Variants in PAQR3 observed in about 807,000 individuals in gnomAD.
PAQR3 encodes progestin and adipoQ receptor family member 3.
PAQR3 carries 39 observed loss-of-function variants against 41.7 expected under a neutral mutation model. The ratio of observed to expected loss-of-function variants is 0.93; its 90% CI spans 0.72 to 1.22. The LOEUF is 1.22. PAQR3 is among the 50% of genes most tolerant of loss of function. PAQR3 has a pLI of 0.00. For missense variants in PAQR3, 366 were observed against 385.6 expected, an observed-to-expected ratio of 0.95 and a Z score of 0.42; for synonymous variants, 140 against 140.6, an observed-to-expected ratio of 1.00 and a Z score of 0.03.
At chr4:78,930,382 C>A in intron 2 of PAQR3, 57 bp from the exon 3 acceptor site, 1 of 1,524,754 alleles carries the variant, frequency 6.6e-7, no homozygotes, top group Admixed American at 2.0e-5. Context: ...GCAACTTATG[C>A]ATGATATTCA....
chr4:78,890,639 T>C (rs961872304), intron 11 of PAQR3, among the ~76,000 whole-genome samples: 1 of 152,234 alleles, frequency 6.6e-6, no homozygotes, highest in South Asian at 2.1e-4. Flanking sequence ...ATGTACCCTA[T>C]CATTGATTAA....
intron 2 of PAQR3, among the ~76,000 whole-genome samples, chr4:78,933,578 T>C (rs1014523686): frequency 2.0e-5 from 3 of 152,214 alleles, no homozygotes; most frequent in African/African-American, 4.8e-5. Context: ...AGTGGTCTTT[T>C]CAAGTAGGGA....
chr4:78,914,463 T>C lies in PAQR3; in HGVS notation c.*6076A>G, dbSNP rs1337779442. The C allele has an allele frequency of 6.6e-6, 1 of 151,982 alleles. No homozygotes were observed. Among genetic ancestry groups the C allele is most frequent in the Non-Finnish European group, 1.5e-5 (1 of 67,934 alleles). The allele number at this position is 151,982 out of a possible 1,614,324, so 9.4% of individuals were successfully genotyped here. ...TTGTGTTGTAGTAGAGGCATTTTCCTAAGGAGTATAGATTTATACTTTGCA... is the reference window on the plus strand; with the variant it reads ...TTGTGTTGTAGTAGAGGCATTTTCCCAAGGAGTATAGATTTATACTTTGCA... On this transcript the variant is annotated 3_prime_UTR_variant, in exon 6 of 6. Coordinates refer to ENST00000512733, the MANE Select transcript of PAQR3 (RefSeq NM_001040202.2).
At position 78,920,152 on chromosome 4, in the gene PAQR3, G is replaced by A; in HGVS notation, c.*387C>T. On this transcript the variant is annotated 3_prime_UTR_variant, in exon 6 of 6. Coordinates refer to ENST00000512733, the MANE Select transcript of PAQR3 (RefSeq NM_001040202.2). Reference sequence around the variant, plus strand: ...TTGCCTTGATTAGGCACTTAAACTTGACAATTAACTGAAAATAATTAAGCA... The same window carrying A: ...TTGCCTTGATTAGGCACTTAAACTTAACAATTAACTGAAAATAATTAAGCA... 1 of 988,982 alleles carries A rather than the reference G, an allele frequency of 1.0e-6. No homozygotes were observed. Among genetic ancestry groups the A allele is most frequent in the East Asian group, 1.1e-4 (1 of 8,980 alleles). 61.3% of individuals were successfully genotyped at this position (988,982 alleles called of 1,614,324 possible).
rs771043328 is a variant in PAQR3, at chr4:78,919,366, C to A, written c.*1173G>T. 3.0e-6 allele frequency: 3 copies of A among 983,828 alleles called. No individual in the cohort carries two copies. The highest frequency in any genetic ancestry group is 3.6e-6 in the Non-Finnish European group (3 of 828,782). The allele number at this position is 983,828 out of a possible 1,614,324, so 60.9% of individuals were successfully genotyped here. A position where few individuals can be genotyped will look rare whatever the true frequency, so the allele number is the denominator to read the frequency against. On this transcript the variant is annotated 3_prime_UTR_variant, in exon 6 of 6. Transcript: ENST00000512733. ...GATTTAACTAATGCATATGAAAGAC[C>A]AAAGAATAAGAGGGCTACAATGTAT...
chr4:78,936,303 G>A (rs1737424231), intron 1 of PAQR3, among the ~76,000 whole-genome samples: 2 of 152,192 alleles, frequency 1.3e-5, no homozygotes, highest in South Asian at 4.2e-4. Context: ...CTTAAATTTA[G>A]GTTTTTGGTC....
chr4:78,919,811 C>T lies in PAQR3; in HGVS notation c.*728G>A, dbSNP rs1735479560. On this transcript the variant is annotated 3_prime_UTR_variant, in exon 6 of 6. Transcript: ENST00000512733. Reference sequence around the variant, plus strand: ...ATTAAAATGTTTAGGTGGCTAATGACTATATTATTTGACCACATAATTTGT... The same window carrying T: ...ATTAAAATGTTTAGGTGGCTAATGATTATATTATTTGACCACATAATTTGT... 6.1e-6 allele frequency: 6 copies of T among 981,752 alleles called. No individual in the cohort carries two copies. In the South Asian group the frequency reaches 1.4e-4, roughly 23 times the overall value. The allele number at this position is 981,752 out of a possible 1,614,324, so 60.8% of individuals were successfully genotyped here.
chr4:78,893,591 C>A (rs546766205), intron 11 of PAQR3, among the ~76,000 whole-genome samples: 5 of 152,226 alleles, frequency 3.3e-5, no homozygotes, highest in Middle Eastern at 6.8e-3. Flanking sequence ...AAAAATGGGT[C>A]CTGCTTTGTC....
intron 5 of PAQR3, chr4:78,922,537 T>C: frequency 1.1e-6 from 1 of 940,842 alleles, no homozygotes; most frequent in South Asian, 1.4e-5. Flanking sequence ...ATGTTATTTC[T>C]GACCCATGCC....
At chr4:78,905,593 A>G (rs891377423) in intron 11 of PAQR3, among the ~76,000 whole-genome samples, 1 of 151,952 alleles carries the variant, frequency 6.6e-6, no homozygotes, top group Admixed American at 6.6e-5. Flanking sequence ...AAGAACAGCT[A>G]TTTTTATGTT....
At position 78,915,450 on chromosome 4, in the gene PAQR3, G is replaced by A. The variant is rs1175013004; in HGVS notation, c.*5089C>T. 1 of 151,862 alleles carries A rather than the reference G, an allele frequency of 6.6e-6. No individual in the cohort carries two copies. The highest frequency in any genetic ancestry group is 2.4e-5 in the African/African-American group (1 of 41,390). 9.4% of individuals were successfully genotyped at this position (151,862 alleles called of 1,614,324 possible). On this transcript the variant is annotated 3_prime_UTR_variant, in exon 6 of 6. Coordinates refer to ENST00000512733, the MANE Select transcript of PAQR3 (RefSeq NM_001040202.2). ...TTTGTTTTTAATATATTTAGAATGT[G>A]CAGTAAACTTTTTTCTCATTTTTTT...
Position 78,930,274 on chromosome 4 carries a change from C to A in PAQR3, c.400G>T (p.Glu134Ter). The A allele has an allele frequency of 6.2e-7, 1 of 1,613,758 alleles. No individual in the cohort carries two copies. Among genetic ancestry groups the A allele is most frequent in the South Asian group, 1.1e-5 (1 of 91,036 alleles). ...GYHLFSCHRS[E>*]KTCRRWMALD... ...GCCATCCATCTTCGACATGTTTTTT[C>A]TGACCGATGGCAGGAAAAAAGATGA... Residue 134 changes from glutamate (E) to a stop codon, truncating the protein, a stop_gained, in exon 3 of 6, where the codon GAA (glutamate) becomes TAA (stop). Transcript: ENST00000512733. LOFTEE classifies it high-confidence loss of function.
In PAQR3 at chr4:78,915,845, GAATTGTTTTT is replaced by G. The variant is rs1237609921; in HGVS notation, c.*4684_*4693del. ...AAAATTTATACTGCTACTTTTGAAA[GAATTGTTTTT>G]ATGACTATGCTCTTTTTGTGATTGA... On this transcript the variant is annotated 3_prime_UTR_variant, in exon 6 of 6. Coordinates refer to ENST00000512733, the MANE Select transcript of PAQR3 (RefSeq NM_001040202.2). 1 of 151,830 alleles carries G rather than the reference GAATTGTTTTT, an allele frequency of 6.6e-6. No individual in the cohort carries two copies. The highest frequency in any genetic ancestry group is 1.5e-5 in the Non-Finnish European group (1 of 67,832). 9.4% of individuals were successfully genotyped at this position (151,830 alleles called of 1,614,324 possible).
intron 5 of PAQR3, among the ~76,000 whole-genome samples, chr4:78,920,935 T>C (rs1320627533): frequency 6.6e-6 from 1 of 151,874 alleles, no homozygotes; most frequent in Non-Finnish European, 1.5e-5. Context: ...TCTAACTTAA[T>C]TTCAGGAATT....
intron 1 of PAQR3, among the ~76,000 whole-genome samples, chr4:78,937,961 G>T (rs186346147): frequency 3.9e-5 from 6 of 152,328 alleles, no homozygotes; most frequent in Non-Finnish European, 8.8e-5. Context: ...GAGGAAAACG[G>T]TAATTACGCT....
intron 1 of PAQR3, among the ~76,000 whole-genome samples, chr4:78,936,494 T>C (rs185063193): frequency 3.3e-5 from 5 of 152,336 alleles, no homozygotes; most frequent in South Asian, 2.1e-4. Context: ...ACAAATTTAG[T>C]TATACGTCAA....
rs545126211 is a variant in PAQR3 at position 78,923,934 on chromosome 4, C to T, written c.716G>A (p.Arg239His). The change falls in exon 5 of 6, where the codon CGT (arginine) becomes CAT (histidine). Residue 239 changes from arginine (R) to histidine (H), a missense_variant. Transcript: ENST00000512733. ...AGCAATCATATACATCACAATTACA[C>T]GGGGTGCAAAGTCCTGAAAAGCAGA... The part of the protein sequence containing the change: ...GAPIVQDFAP[R>H]VIVMYMIALL... 11 of 1,612,746 alleles carry T rather than the reference C, an allele frequency of 6.8e-6. No homozygotes were observed. The highest frequency in any genetic ancestry group is 3.3e-5 in the Admixed American group (2 of 59,910).
intron 5 of PAQR3, among the ~76,000 whole-genome samples, chr4:78,922,625 T>C (rs138958647): frequency 5.3e-5 from 8 of 152,108 alleles, no homozygotes; most frequent in South Asian, 2.1e-4. Flanking sequence ...CTGGGGGACA[T>C]AGTAATAATT....
At chr4:78,911,641 A>G (rs1366709901), downstream of PAQR3, 2 of 1,614,002 alleles carry the variant, frequency 1.2e-6, no homozygotes, top group Admixed American at 1.7e-5. Context: ...CTCTCAAAGT[A>G]GCAATGAATT....
Sources: gnomAD v4.1 joint callset for allele counts (sites outside exome capture counted in the v4.1 genomes callset) on GRCh38, gnomAD v4.1.1 for gene constraint, MANE v1.5 for transcripts, NCBI Gene and HGNC (gene_info 2026-07-23, HGNC 2026-07-21) for gene names.